Variants in GNAI3 observed in about 807,000 individuals in gnomAD.
GNAI3 encodes the protein G protein subunit alpha i3.
GNAI3 carries 12 observed loss-of-function variants against 41.8 expected under a neutral mutation model. That is an observed-to-expected ratio of 0.29 (90% CI 0.18 to 0.47). GNAI3 has a LOEUF of 0.47. Ranked by LOEUF, GNAI3 falls within the 20% of genes least tolerant of loss-of-function variation. The pLI is 1.00. For missense variants in GNAI3, 360 were observed against 429.6 expected (o/e 0.84, Z 1.43); for synonymous variants, 132 against 146.5 (o/e 0.90, Z 0.71).
chr1:109,581,608 C>T (rs1436788237), intron 4 of GNAI3, among the ~76,000 whole-genome samples: 3 of 152,106 alleles, frequency 2.0e-5, no homozygotes, highest in African/African-American at 7.2e-5. Context: ...ACTTTTGTGT[C>T]CGGGCGCGGT....
intron 1 of GNAI3, among the ~76,000 whole-genome samples, chr1:109,559,786 A>G (rs1164197586): frequency 1.3e-5 from 2 of 152,192 alleles, no homozygotes; most frequent in African/African-American, 4.8e-5. Flanking sequence ...TTAAGCATTT[A>G]TCTTGTCCAG....
At chr1:109,560,001 G>A (rs1489455561) in intron 1 of GNAI3, among the ~76,000 whole-genome samples, 1 of 152,200 alleles carries the variant, frequency 6.6e-6, no homozygotes. Flanking sequence ...AAGCAAAGAA[G>A]AAAGATACCT....
rs1557915969 is a variant in GNAI3 at position 109,598,605 on chromosome 1, C to G, written c.*6283C>G. ...TTTACAGCATTACTTTGCCCATATT[C>G]ATTTTGAAGACCTGAAATGAAGTTG... On this transcript the variant is annotated 3_prime_UTR_variant, in exon 9 of 9. Transcript: ENST00000369851. 4.5e-6 allele frequency: 1 copy of G among 224,010 alleles called. No homozygotes were observed. The highest frequency in any genetic ancestry group is 1.1e-4 in the East Asian group (1 of 9,336). 13.9% of individuals were successfully genotyped at this position (224,010 alleles called of 1,614,324 possible). A position where few individuals can be genotyped will look rare whatever the true frequency, so the allele number is the denominator to read the frequency against.
chr1:109,589,391 A>G (rs74113945), intron 7 of GNAI3, among the ~76,000 whole-genome samples: 3,535 of 152,292 alleles, frequency 0.023, 153 homozygotes, highest in African/African-American at 0.08. Context: ...GTCAGTGGAA[A>G]GTTGAGTACA....
At chr1:109,562,961 C>T in intron 1 of GNAI3, among the ~76,000 whole-genome samples, 1 of 152,110 alleles carries the variant, frequency 6.6e-6, no homozygotes, top group Non-Finnish European at 1.5e-5. Flanking sequence ...TTGCTTGTGT[C>T]AGTTCTGTTC....
Position 109,599,334 on chromosome 1 carries a change from T to C in GNAI3, c.*7012T>C, listed in dbSNP as rs1649391194. On this transcript the variant is annotated 3_prime_UTR_variant, in exon 9 of 9. Transcript: ENST00000369851. Reference sequence around the variant, plus strand: ...GTTGCACAGCCATCACCACCATCCATTTCCAGAACTTGTTTTCATCTTCCT... The same window carrying C: ...GTTGCACAGCCATCACCACCATCCACTTCCAGAACTTGTTTTCATCTTCCT... 1 of 154,232 alleles carries C rather than the reference T, an allele frequency of 6.5e-6. No individual in the cohort carries two copies. The highest frequency in any genetic ancestry group is 1.9e-4 in the South Asian group (1 of 5,184). 9.6% of individuals were successfully genotyped at this position (154,232 alleles called of 1,614,324 possible).
intron 4 of GNAI3, among the ~76,000 whole-genome samples, chr1:109,581,530 A>G (rs772936170): frequency 2.6e-4 from 40 of 152,114 alleles, no homozygotes; most frequent in Non-Finnish European, 5.3e-4. Context: ...TAATAAGAAC[A>G]TTTCCTGTTC....
chr1:109,555,686 C>T (rs1371854283), intron 1 of GNAI3, among the ~76,000 whole-genome samples: 2 of 152,016 alleles, frequency 1.3e-5, no homozygotes, highest in Non-Finnish European at 2.9e-5. Flanking sequence ...GCATACTAAA[C>T]TTATATGCAT....
At position 109,592,652 on chromosome 1, in the gene GNAI3, C is replaced by G. The variant is rs1031928498; in HGVS notation, c.*330C>G. On this transcript the variant is annotated 3_prime_UTR_variant, in exon 9 of 9. Transcript: ENST00000369851. ...AATATGTAGCTTACTCTTTTTTTCC[C>G]CCCTTCTTAAACCACCAGTGGTTCA... The G allele has an allele frequency of 6.5e-6, 1 of 153,830 alleles. No individual in the cohort carries two copies. The highest frequency in any genetic ancestry group is 2.4e-5 in the African/African-American group (1 of 41,440). 9.5% of individuals were successfully genotyped at this position (153,830 alleles called of 1,614,324 possible).
chr1:109,569,261 C>T (rs1054749185), intron 1 of GNAI3, among the ~76,000 whole-genome samples: 2 of 152,174 alleles, frequency 1.3e-5, no homozygotes, highest in African/African-American at 4.8e-5. Context: ...TAGTTCCATC[C>T]CTTCTGCATA....
chr1:109,581,117 T>C (rs1648877978), intron 4 of GNAI3, among the ~76,000 whole-genome samples: 1 of 152,222 alleles, frequency 6.6e-6, no homozygotes, highest in Admixed American at 6.5e-5. Flanking sequence ...TGATAGTATT[T>C]GGTTTTATAG....
chr1:109,579,542 A>G (rs550589627), intron 4 of GNAI3, among the ~76,000 whole-genome samples, 181 bp downstream of exon 4: 5 of 152,236 alleles, frequency 3.3e-5, no homozygotes, highest in Non-Finnish European at 7.3e-5. Context: ...GATTTGGAGA[A>G]AAAAGTTCCC....
chr1:109,559,936 G>A (rs1002628563), intron 1 of GNAI3, among the ~76,000 whole-genome samples: 1 of 152,126 alleles, frequency 6.6e-6, no homozygotes, highest in African/African-American at 2.4e-5. Flanking sequence ...TGAAATATCC[G>A]ATTTTTCATG....
intron 1 of GNAI3, among the ~76,000 whole-genome samples, chr1:109,553,343 A>AC (rs1648044961): frequency 8.5e-6 from 1 of 116,996 alleles, no homozygotes; most frequent in Admixed American, 1.0e-4. Context: ...CTGAGAAAAC[A>AC]TAAAAAAAAA....
chr1:109,555,982 G>C (rs1383828887), intron 1 of GNAI3, among the ~76,000 whole-genome samples: 2 of 151,280 alleles, frequency 1.3e-5, no homozygotes, highest in African/African-American at 4.9e-5. Context: ...GTGTGTGTGT[G>C]TGTGTGTGTG....
In GNAI3 at chr1:109,575,534, CTTTTTTT is replaced by C. The variant is rs747890363; in HGVS notation, c.303+1516_303+1522del. On this transcript the variant is annotated intron_variant, in intron 3 of 8. Coordinates refer to ENST00000369851, the MANE Select transcript of GNAI3 (RefSeq NM_006496.4). ...TATTTATCTCCCTACCCTTTCATTT[CTTTTTTT>C]TTTTTTTTTTTTTTTTTTGGAGACG... 5.1e-4 allele frequency among the ~76,000 whole-genome samples: 27 copies of C among 52,866 alleles called. 1 individual carries two copies. Among genetic ancestry groups the C allele is most frequent in the South Asian group, 7.6e-4 (1 of 1,322 alleles). 34.7% of individuals were successfully genotyped at this position (52,866 alleles called of 152,430 possible).
Position 109,592,343 on chromosome 1 carries a change from A to C in GNAI3, c.*23-2A>C. 1.4e-6 allele frequency: 1 copy of C among 697,934 alleles called. No homozygotes were observed. Among genetic ancestry groups the C allele is most frequent in the South Asian group, 1.9e-5 (1 of 52,030 alleles). 43.2% of individuals were successfully genotyped at this position (697,934 alleles called of 1,614,324 possible). On this transcript the variant is annotated splice_acceptor_variant, in intron 8 of 8. Coordinates refer to ENST00000369851, the MANE Select transcript of GNAI3 (RefSeq NM_006496.4). LOFTEE classifies it low-confidence loss of function (3UTR_SPLICE). ...CTAATTAAGAATATTCTTCTCTTCT[A>C]GTTACTACAGTGTGGAGTGTTGAGA...
chr1:109,551,940 T>G (rs1296000092), intron 1 of GNAI3, among the ~76,000 whole-genome samples: 1 of 152,138 alleles, frequency 6.6e-6, no homozygotes, highest in Non-Finnish European at 1.5e-5. Flanking sequence ...GGCTGGTGGA[T>G]CACCTGAGGT....
chr1:109,582,552 G>A lies in GNAI3; in HGVS notation c.577G>A (p.Asp193Asn), dbSNP rs767803865. The change falls in exon 5 of 9, where the codon GAC (aspartate) becomes AAC (asparagine). Residue 193 changes from aspartate to asparagine, a missense_variant. By Grantham distance (23) the Asp-to-Asn change is conservative. Coordinates refer to ENST00000369851, the MANE Select transcript of GNAI3 (RefSeq NM_006496.4). ...TGTAGAAACACATTTCACCTTCAAA[G>A]ACCTATACTTCAAGTAAGTCATTAG... is the stretch of plus-strand genomic sequence containing the variant. ...GIVETHFTFK[D>N]LYFKMFDVGG... 1.2e-5 allele frequency: 19 copies of A among 1,607,704 alleles called. No individual in the cohort carries two copies. The highest frequency in any genetic ancestry group is 3.3e-4 in the Middle Eastern group (2 of 6,050).
Sources: allele counts gnomAD v4.1 joint callset (sites outside exome capture counted in the v4.1 genomes callset), GRCh38; gene constraint gnomAD v4.1.1; transcripts MANE v1.5; gene names NCBI Gene and HGNC (gene_info 2026-07-23, HGNC 2026-07-21).